C14orf39: variants seen among roughly 807,000 people sequenced by gnomAD.
The protein encoded by C14orf39 is protein SIX6OS1.
In C14orf39, 66 loss-of-function variants were observed where a neutral mutation model predicts 85.6. The ratio of observed to expected loss-of-function variants is 0.77; its 90% confidence interval spans 0.63 to 0.95. The LOEUF is 0.95. Ranked by LOEUF, C14orf39 falls within the 40% of genes least tolerant of loss-of-function variation. The pLI is 0.00. For missense variants in C14orf39, 735 were observed against 663.9 expected, an observed-to-expected ratio of 1.11 and a Z score of -1.18; for synonymous variants, 242 against 214.0, an observed-to-expected ratio of 1.13 and a Z score of -1.14.
chr14:60,460,655 G>A (rs1891478720), intron 13 of C14orf39, among the ~76,000 whole-genome samples: 2 of 151,674 alleles, frequency 1.3e-5, no homozygotes, highest in African/African-American at 2.4e-5. Flanking sequence ...ATGTGATTAT[G>A]TTAATATACA....
chr14:60,463,352 TTC>T (rs1270486555), intron 11 of C14orf39, among the ~76,000 whole-genome samples: 4 of 152,170 alleles, frequency 2.6e-5, no homozygotes, highest in Non-Finnish European at 5.9e-5. Flanking sequence ...CTTTTGCTCA[TTC>T]TGTTATTGTC....
intron 17 of C14orf39, among the ~76,000 whole-genome samples, chr14:60,440,164 A>T (rs572675265): frequency 6.6e-6 from 1 of 152,356 alleles, no homozygotes; most frequent in Admixed American, 6.5e-5. Flanking sequence ...ATCTCATAGC[A>T]TTAAATACCA....
chr14:60,447,651 T>C (rs1890834481), intron 16 of C14orf39, among the ~76,000 whole-genome samples: 1 of 152,150 alleles, frequency 6.6e-6, no homozygotes, highest in Admixed American at 6.5e-5. Flanking sequence ...GCTATCCCCA[T>C]CAAGCTACCA....
intron 11 of C14orf39, among the ~76,000 whole-genome samples, chr14:60,465,041 T>C (rs1891720292): frequency 6.6e-6 from 1 of 152,136 alleles, no homozygotes; most frequent in Admixed American, 6.6e-5. Flanking sequence ...ATGCATAAAT[T>C]TACATTTTTC....
chr14:60,450,358 A>G (rs188907811), intron 16 of C14orf39, among the ~76,000 whole-genome samples: 1 of 152,208 alleles, frequency 6.6e-6, no homozygotes, highest in African/African-American at 2.4e-5. Flanking sequence ...CTTCGAGTGG[A>G]TATCAGCAGT....
chr14:60,510,295 G>A (rs1893271107), intron 1 of C14orf39, among the ~76,000 whole-genome samples: 1 of 152,226 alleles, frequency 6.6e-6, no homozygotes. Context: ...AAGACCCAAA[G>A]CTAATTCTTG....
intron 2 of C14orf39, chr14:60,494,445 A>G (rs1893037089): frequency 1.3e-5 from 2 of 154,036 alleles, no homozygotes; most frequent in Admixed American, 6.5e-5. Context: ...GCCTGTCTGC[A>G]TGATTGGGCT....
chr14:60,451,049 A>G (rs192229099), intron 16 of C14orf39, among the ~76,000 whole-genome samples: 2 of 152,310 alleles, frequency 1.3e-5, no homozygotes, highest in East Asian at 1.9e-4. Flanking sequence ...TTCAATGCCT[A>G]GACACCAACA....
chr14:60,465,920 A>G, intron 11 of C14orf39, 59 bp downstream of exon 11: 1 of 859,164 alleles, frequency 1.2e-6, no homozygotes, highest in Non-Finnish European at 1.8e-6. Context: ...CAGTACATTC[A>G]TTATTACATT....
intron 16 of C14orf39, among the ~76,000 whole-genome samples, chr14:60,444,713 C>G (rs537673495): frequency 6.6e-6 from 1 of 152,158 alleles, no homozygotes; most frequent in African/African-American, 2.4e-5. Flanking sequence ...CACAAAGATA[C>G]TCCTCGAAAA....
chr14:60,440,378 T>G (rs1228378342), intron 17 of C14orf39, among the ~76,000 whole-genome samples: 3 of 152,222 alleles, frequency 2.0e-5, no homozygotes, highest in African/African-American at 4.8e-5. Flanking sequence ...TTCCAAGTTA[T>G]TCATGTCAAA....
Position 60,468,514 on chromosome 14 carries a change from G to A in C14orf39, c.698C>T (p.Thr233Ile). Residue 233 changes from threonine (T) to isoleucine (I), a missense_variant, in exon 9 of 18, where the codon ACT (threonine) becomes ATT (isoleucine). By Grantham distance (89) the Thr-to-Ile change is moderately conservative. Transcript: ENST00000321731. Reference protein sequence around the residue: ...LNQQISRHNETKALSETLEEK... With the variant: ...LNQQISRHNEIKALSETLEEK... ...TTCCAGAGTTTCTGAAAGAGCCTTA[G>A]TTTCATTATGCCTAGATATCTGCTA... 1 of 1,590,066 alleles carries A rather than the reference G, an allele frequency of 6.3e-7. No individual in the cohort carries two copies. Among genetic ancestry groups the A allele is most frequent in the Non-Finnish European group, 8.6e-7 (1 of 1,166,584 alleles).
Position 60,471,688 on chromosome 14 carries a change from G to A in C14orf39, c.375C>T (p.Tyr125=), listed in dbSNP as rs1194389186. Residue 125 remains tyrosine (Y), a synonymous_variant, in exon 6 of 18, where the codon TAC becomes TAT. Coordinates refer to ENST00000321731, the MANE Select transcript of C14orf39 (RefSeq NM_174978.3). Reference sequence around the variant, plus strand: ...AGGGTGTTTCTGAGTATTTTAGTTGGTACTGCTTCAAAACTTCTTTATACT... The same window carrying A: ...AGGGTGTTTCTGAGTATTTTAGTTGATACTGCTTCAAAACTTCTTTATACT... ...ICQYKEVLKQ[Y]QLKYSETPFS... The A allele has an allele frequency of 5.0e-6, 8 of 1,594,272 alleles. No homozygotes were observed. The highest frequency in any genetic ancestry group is 6.8e-6 in the Non-Finnish European group (8 of 1,168,916).
rs776870689 is a variant in C14orf39, at chr14:60,456,925, C to CG, written c.1349dup (p.Phe451ValfsTer4). 16 of 1,558,698 alleles carry CG rather than the reference C, an allele frequency of 1.0e-5. No homozygotes were observed. The highest frequency in any genetic ancestry group is 1.4e-5 in the African/African-American group (1 of 71,326). ...ATTAATTAAAATCCTACATTTCGAA[C>CG]GGGGGGGTTTTAGGGAATTTTATTT... On this transcript the variant is annotated frameshift_variant, in exon 15 of 18. Transcript: ENST00000321731. LOFTEE classifies it high-confidence loss of function.
intron 1 of C14orf39, among the ~76,000 whole-genome samples, chr14:60,503,061 G>C (rs1350114871): frequency 6.6e-6 from 1 of 152,208 alleles, no homozygotes; most frequent in East Asian, 1.9e-4. Flanking sequence ...TGACAAAAGA[G>C]TTCAGAGGGT....
In C14orf39 at chr14:60,471,737, T is replaced by C. The variant is rs1401787498; in HGVS notation, c.326A>G (p.Glu109Gly). The C allele has an allele frequency of 1.3e-6, 2 of 1,490,786 alleles. No individual in the cohort carries two copies. 92.3% of individuals were successfully genotyped at this position (1,490,786 alleles called of 1,614,324 possible). Residue 109 changes from glutamate (E) to glycine (G), a missense_variant and splice_region_variant, in exon 6 of 18, where the codon GAA becomes GGA. Transcript: ENST00000321731. ...CTGACATATATAATCATGATACATT[T>C]CTCTGTTAAAATTAAAAGAAATGAT... is the stretch of plus-strand genomic sequence containing the variant. ...VYQGTVEKDK[E>G]MYHDYICQYK...
At chr14:60,509,178 T>TGAGAC (rs914151506) in intron 1 of C14orf39, 1 of 580,834 alleles carries the variant, frequency 1.7e-6, no homozygotes, top group African/African-American at 1.9e-5. Flanking sequence ...CCGGCGTGCC[T>TGAGAC]GAGCCGAGCC....
intron 16 of C14orf39, among the ~76,000 whole-genome samples, chr14:60,452,772 T>G (rs1891095574): frequency 6.6e-6 from 1 of 151,784 alleles, no homozygotes; most frequent in Non-Finnish European, 1.5e-5. Context: ...CATAAATATA[T>G]ACATCTACTA....
intron 1 of C14orf39, chr14:60,509,070 A>C: frequency 2.5e-6 from 1 of 404,012 alleles, no homozygotes; most frequent in Non-Finnish European, 4.5e-6. Context: ...GTGCTGATTC[A>C]AGCTTTGATT....
Sources: gnomAD v4.1 joint callset for allele counts (sites outside exome capture counted in the v4.1 genomes callset) on GRCh38, gnomAD v4.1.1 for gene constraint, MANE v1.5 for transcripts, NCBI Gene and HGNC (gene_info 2026-07-23, HGNC 2026-07-21) for gene names.